Variants in AIMP1 observed in about 807,000 individuals in gnomAD.
AIMP1 encodes the protein aminoacyl tRNA synthase complex-interacting multifunctional protein 1.
Under a neutral mutation model 33.1 loss-of-function variants are expected in AIMP1, and 24 were observed. That is an observed-to-expected ratio of 0.73 (90% CI 0.53 to 1.02). AIMP1 has a LOEUF of 1.02. Ranked by LOEUF, AIMP1 falls within the 50% of genes least tolerant of loss-of-function variation. The probability of loss-of-function intolerance (pLI) is 0.00; values close to 1 mark genes in which losing one functional copy is unlikely to be tolerated. For synonymous variants in AIMP1, 120 were observed against 121.5 expected (o/e 0.99, Z 0.08); for missense variants, 367 against 364.8 (o/e 1.01, Z -0.05).
intron 6 of AIMP1, among the ~76,000 whole-genome samples, chr4:106,347,153 C>T (rs1178272598): frequency 6.6e-6 from 1 of 152,150 alleles, no homozygotes; most frequent in African/African-American, 2.4e-5. Context: ...CCAGGCCCCA[C>T]CTCCAACATT....
chr4:106,348,591 A>G lies in AIMP1; in HGVS notation c.*899A>G, dbSNP rs1055524848. ...TTAACATATACCATACATATATATT[A>G]AGGTGTCAAATAGCTATTCTCACTC... On this transcript the variant is annotated 3_prime_UTR_variant, in exon 7 of 7. Coordinates refer to ENST00000672341, the MANE Select transcript of AIMP1 (RefSeq NM_001142416.2). 1 of 152,168 alleles carries G rather than the reference A, an allele frequency of 6.6e-6. No individual in the cohort carries two copies. The highest frequency in any genetic ancestry group is 2.4e-5 in the African/African-American group (1 of 41,462). The allele number at this position is 152,168 out of a possible 1,614,324, so 9.4% of individuals were successfully genotyped here.
chr4:106,347,431 C>A, intron 6 of AIMP1, 95 bp from the exon 7 acceptor site: 2 of 1,225,558 alleles, frequency 1.6e-6, no homozygotes, highest in Non-Finnish European at 2.2e-6. Flanking sequence ...GAAAATGTTG[C>A]CAAAACAATT....
chr4:106,335,993 A>G (rs1233538242), intron 5 of AIMP1, among the ~76,000 whole-genome samples: 2 of 132,670 alleles, frequency 1.5e-5, no homozygotes, highest in Non-Finnish European at 3.2e-5. Context: ...CCTACATGTT[A>G]GTTGCATGAT....
chr4:106,342,272 C>G (rs1403547171), intron 6 of AIMP1, among the ~76,000 whole-genome samples: 1 of 152,032 alleles, frequency 6.6e-6, no homozygotes, highest in Non-Finnish European at 1.5e-5. Flanking sequence ...TATTTGGATG[C>G]CTTTTCTTTC....
intron 1 of AIMP1, among the ~76,000 whole-genome samples, chr4:106,320,723 A>G (rs1301104063): frequency 6.6e-6 from 1 of 151,796 alleles, no homozygotes; most frequent in African/African-American, 2.4e-5. Context: ...GGTACAAGTA[A>G]TTTTTTAAAT....
chr4:106,316,573 A>G lies in AIMP1; in HGVS notation c.-47A>G, dbSNP rs1318469418. On this transcript the variant is annotated 5_prime_UTR_variant, in exon 1 of 7. Transcript: ENST00000672341. The stretch of plus-strand genomic sequence containing the variant: ...ATGCTTCCTGCTGTGGCTGTCTCGG[A>G]ACCCGTGGTCCTCCGCTTCATGTGA... 6 of 1,551,436 alleles carry G rather than the reference A, an allele frequency of 3.9e-6. No individual in the cohort carries two copies. Among genetic ancestry groups the G allele is most frequent in the Non-Finnish European group, 4.4e-6 (5 of 1,146,934 alleles).
chr4:106,329,174 G>A (rs1769570934), intron 4 of AIMP1, among the ~76,000 whole-genome samples: 1 of 151,990 alleles, frequency 6.6e-6, no homozygotes, highest in South Asian at 2.1e-4. Flanking sequence ...AAAGTAGGTA[G>A]GGGCTGTACA....
intron 1 of AIMP1, among the ~76,000 whole-genome samples, chr4:106,323,052 G>A (rs918082548): frequency 6.7e-6 from 1 of 150,262 alleles, no homozygotes; most frequent in Admixed American, 6.6e-5. Context: ...TTGCATATGT[G>A]TATTTAGTGT....
chr4:106,336,931 A>G lies in AIMP1; in HGVS notation c.666A>G (p.Leu222=). ...NLKPAKMRGV[L]SQAMVMCASS... ...AACCTGCAAAGATGAGGGGAGTATT[A>G]TCTCAAGCAATGGTCATGTGTGCTA... The change falls in exon 6 of 7, where the codon TTA becomes TTG. Residue 222 remains leucine (L), a synonymous_variant. Transcript: ENST00000672341. The G allele has an allele frequency of 6.2e-7, 1 of 1,614,090 alleles. No homozygotes were observed. The highest frequency in any genetic ancestry group is 8.5e-7 in the Non-Finnish European group (1 of 1,179,950).
chr4:106,341,770 G>T (rs1770108285), intron 6 of AIMP1, among the ~76,000 whole-genome samples: 1 of 151,576 alleles, frequency 6.6e-6, no homozygotes, highest in African/African-American at 2.4e-5. Flanking sequence ...TTGGCTATTT[G>T]CACTCTTTCC....
At chr4:106,337,107 A>C in intron 6 of AIMP1, 70 bp downstream of exon 6, 1 of 1,375,970 alleles carries the variant, frequency 7.3e-7, no homozygotes. Flanking sequence ...TAATGCTTAA[A>C]GGTTAAAATC....
chr4:106,332,614 C>CATATAT (rs34698470), intron 5 of AIMP1, among the ~76,000 whole-genome samples: 12 of 144,676 alleles, frequency 8.3e-5, no homozygotes, highest in African/African-American at 3.0e-4. Context: ...TACAGAGATA[C>CATATAT]ATATATATAT....
At chr4:106,325,794 GA>G (rs1769431835) in intron 2 of AIMP1, among the ~76,000 whole-genome samples, 1 of 151,720 alleles carries the variant, frequency 6.6e-6, no homozygotes, top group Non-Finnish European at 1.5e-5. Flanking sequence ...ATCCTGTAAG[GA>G]AAATATTTCC....
At chr4:106,336,312 G>C (rs1769880020) in intron 5 of AIMP1, among the ~76,000 whole-genome samples, 1 of 150,692 alleles carries the variant, frequency 6.6e-6, no homozygotes, top group Non-Finnish European at 1.5e-5. Context: ...AAGGAGCTGG[G>C]ATTATAGGTG....
chr4:106,330,071 C>T (rs912389611), intron 4 of AIMP1, among the ~76,000 whole-genome samples: 1 of 152,198 alleles, frequency 6.6e-6, no homozygotes, highest in Non-Finnish European at 1.5e-5. Flanking sequence ...GCATGAGCCA[C>T]CATGCCCAGC....
intron 6 of AIMP1, among the ~76,000 whole-genome samples, chr4:106,345,887 A>G (rs1340729738): frequency 6.7e-6 from 1 of 148,400 alleles, no homozygotes; most frequent in Non-Finnish European, 1.5e-5. Context: ...AATATAAAAT[A>G]TAAATATAAA....
At chr4:106,333,559 G>A (rs1769757540) in intron 5 of AIMP1, among the ~76,000 whole-genome samples, 1 of 152,188 alleles carries the variant, frequency 6.6e-6, no homozygotes, top group South Asian at 2.1e-4. Context: ...GAAATTGATA[G>A]GAGGTTAGAG....
intron 1 of AIMP1, among the ~76,000 whole-genome samples, chr4:106,317,593 A>T (rs1769006298): frequency 6.6e-6 from 1 of 152,190 alleles, no homozygotes; most frequent in African/African-American, 2.4e-5. Context: ...ATGGCCAGTT[A>T]TATTCTTGAT....
At chr4:106,332,747 T>C (rs2125924604) in intron 5 of AIMP1, among the ~76,000 whole-genome samples, 1 of 151,838 alleles carries the variant, frequency 6.6e-6, no homozygotes, top group East Asian at 1.9e-4. Context: ...AGGCTGATTA[T>C]CTTTAATCCC....
Sources: allele counts gnomAD v4.1 joint callset (sites outside exome capture counted in the v4.1 genomes callset), GRCh38; gene constraint gnomAD v4.1.1; transcripts MANE v1.5; gene names NCBI Gene and HGNC (gene_info 2026-07-23, HGNC 2026-07-21).